Variants in LRRTM4 observed in about 807,000 individuals in gnomAD.
LRRTM4 encodes the protein leucine rich repeat transmembrane neuronal 4.
In LRRTM4, 25 loss-of-function variants were observed where a neutral mutation model predicts 47.6. The observed-to-expected ratio is 0.53, with a 90% CI of 0.38 to 0.73. The LOEUF (loss-of-function observed/expected upper bound fraction) is 0.73, where lower values mean the gene tolerates loss of function less well. Ranked by LOEUF, LRRTM4 falls within the 30% of genes least tolerant of loss-of-function variation. The probability of loss-of-function intolerance (pLI) is 0.00; values close to 1 mark genes in which losing one functional copy is unlikely to be tolerated. For synonymous variants in LRRTM4, 311 were observed against 269.5 expected, an observed-to-expected ratio of 1.15 and a Z score of -1.51; for missense variants, 638 against 713.4, an observed-to-expected ratio of 0.89 and a Z score of 1.20.
intron 3 of LRRTM4, among the ~76,000 whole-genome samples, chr2:76,752,409 GAA>G (rs1354330224): frequency 2.0e-5 from 3 of 152,140 alleles, no homozygotes; most frequent in Non-Finnish European, 4.4e-5. Context: ...TCTGAACTGA[GAA>G]AATTTGTTTT....
chr2:77,144,636 G>A (rs1672208607), intron 3 of LRRTM4, among the ~76,000 whole-genome samples: 3 of 152,070 alleles, frequency 2.0e-5, no homozygotes, highest in Admixed American at 2.0e-4. Context: ...AACTTCAGAA[G>A]GTCTAACCTT....
At chr2:76,935,481 G>A (rs1029685690) in intron 3 of LRRTM4, among the ~76,000 whole-genome samples, 17 of 152,270 alleles carry the variant, frequency 1.1e-4, no homozygotes, top group African/African-American at 4.1e-4. Flanking sequence ...TCCTATCCAT[G>A]AGCATGGAAA....
chr2:77,194,477 A>G (rs1673759424), intron 3 of LRRTM4, among the ~76,000 whole-genome samples: 1 of 152,194 alleles, frequency 6.6e-6, no homozygotes, highest in Non-Finnish European at 1.5e-5. Flanking sequence ...CAACTTGTAA[A>G]GCTGAAGTGG....
At chr2:77,192,465 A>G (rs1673696536) in intron 3 of LRRTM4, among the ~76,000 whole-genome samples, 1 of 152,140 alleles carries the variant, frequency 6.6e-6, no homozygotes, top group African/African-American at 2.4e-5. Context: ...AGAAATAAAG[A>G]AAAAAATTGA....
intron 3 of LRRTM4, among the ~76,000 whole-genome samples, chr2:76,756,482 A>G (rs1016441237): frequency 6.6e-6 from 1 of 152,200 alleles, no homozygotes; most frequent in African/African-American, 2.4e-5. Context: ...CTCATATTGA[A>G]TTAGAATAAA....
At chr2:77,120,571 C>T (rs1180646085) in intron 3 of LRRTM4, among the ~76,000 whole-genome samples, 1 of 151,880 alleles carries the variant, frequency 6.6e-6, no homozygotes, top group African/African-American at 2.4e-5. Flanking sequence ...AAATACTTTA[C>T]TAATTTTCTA....
intron 3 of LRRTM4, among the ~76,000 whole-genome samples, chr2:77,163,621 G>T (rs921717484): frequency 4.6e-5 from 7 of 150,876 alleles, no homozygotes; most frequent in Admixed American, 1.3e-4. Context: ...GACTAACAGC[G>T]GATCTGTTAC....
intron 3 of LRRTM4, among the ~76,000 whole-genome samples, chr2:77,233,807 G>C (rs1675032249): frequency 6.6e-6 from 1 of 152,008 alleles, no homozygotes; most frequent in Non-Finnish European, 1.5e-5. Flanking sequence ...GTTTGTTTTT[G>C]AGACGGAGTC....
chr2:77,034,051 A>G (rs1011772235), intron 3 of LRRTM4, among the ~76,000 whole-genome samples: 14 of 151,848 alleles, frequency 9.2e-5, no homozygotes, highest in Admixed American at 7.2e-4. Flanking sequence ...GGAAAAAACC[A>G]TAAAGGTTCT....
intron 3 of LRRTM4, among the ~76,000 whole-genome samples, chr2:77,299,793 C>T (rs1677078990): frequency 6.7e-6 from 1 of 149,916 alleles, no homozygotes; most frequent in Non-Finnish European, 1.5e-5. Context: ...GACAGATATA[C>T]GGAAATCTAA....
intron 3 of LRRTM4, among the ~76,000 whole-genome samples, chr2:76,753,080 A>G (rs969717281): frequency 6.6e-6 from 1 of 152,192 alleles, no homozygotes; most frequent in African/African-American, 2.4e-5. Flanking sequence ...GAAGTATATG[A>G]GCACTTTAAC....
At chr2:77,287,588 C>T (rs188254622) in intron 3 of LRRTM4, among the ~76,000 whole-genome samples, 1 of 152,064 alleles carries the variant, frequency 6.6e-6, no homozygotes, top group South Asian at 2.1e-4. Flanking sequence ...ACGTGCCACT[C>T]TGAGTAGTGT....
intron 3 of LRRTM4, among the ~76,000 whole-genome samples, chr2:77,431,938 G>T (rs1675394962): frequency 6.6e-6 from 1 of 152,000 alleles, no homozygotes; most frequent in Admixed American, 6.6e-5. Context: ...GCCGGGCATG[G>T]TGGCATGTGC....
chr2:77,225,985 A>G (rs1379791614), intron 3 of LRRTM4, among the ~76,000 whole-genome samples: 1 of 151,942 alleles, frequency 6.6e-6, no homozygotes, highest in East Asian at 1.9e-4. Context: ...AGTAAAAATA[A>G]AGAACGTAAA....
intron 3 of LRRTM4, among the ~76,000 whole-genome samples, chr2:76,838,098 T>A (rs532465818): frequency 5.1e-5 from 7 of 137,286 alleles, no homozygotes; most frequent in African/African-American, 1.8e-4. Flanking sequence ...ATAATAATAA[T>A]AATAAAAGAA....
At chr2:76,969,890 T>C (rs905066317) in intron 3 of LRRTM4, among the ~76,000 whole-genome samples, 2 of 152,096 alleles carry the variant, frequency 1.3e-5, no homozygotes, top group Admixed American at 1.3e-4. Flanking sequence ...CAATTCGTAA[T>C]TGACACAAAA....
chr2:77,500,354 A>C (rs1392473429), intron 3 of LRRTM4, among the ~76,000 whole-genome samples: 3 of 151,804 alleles, frequency 2.0e-5, no homozygotes, highest in Non-Finnish European at 4.4e-5. Flanking sequence ...AAAATGTATT[A>C]TTTATTAAGC....
intron 3 of LRRTM4, among the ~76,000 whole-genome samples, chr2:77,257,789 T>C (rs1298242475): frequency 1.3e-5 from 2 of 151,760 alleles, no homozygotes; most frequent in African/African-American, 4.8e-5. Flanking sequence ...AGTGACATTT[T>C]ACTGAAGAGA....
At chr2:77,037,455 C>T (rs1417920496) in intron 3 of LRRTM4, among the ~76,000 whole-genome samples, 2 of 151,662 alleles carry the variant, frequency 1.3e-5, no homozygotes, top group African/African-American at 4.8e-5. Context: ...TAATTGCAAG[C>T]ATTATACAGC....
Sources: allele counts gnomAD v4.1 joint callset (sites outside exome capture counted in the v4.1 genomes callset), GRCh38; gene constraint gnomAD v4.1.1; transcripts MANE v1.5; gene names NCBI Gene and HGNC (gene_info 2026-07-23, HGNC 2026-07-21).